The following LY86 variants were observed in gnomAD, a reference collection of about 807,000 sequenced individuals.
LY86 encodes the protein lymphocyte antigen 86.
A neutral mutation model predicts 17.3 loss-of-function variants in LY86; 20 were observed. The ratio of observed to expected loss-of-function variants is 1.15; its 90% CI spans 0.81 to 1.68. LY86 has a LOEUF of 1.68. LY86 is among the 40% of genes most tolerant of loss of function. LY86 has a pLI of 0.00. For missense variants in LY86, 200 were observed against 191.9 expected, an observed-to-expected ratio of 1.04 and a Z score of -0.25; for synonymous variants, 74 against 70.6, an observed-to-expected ratio of 1.05 and a Z score of -0.24.
intron 1 of LY86, among the ~76,000 whole-genome samples, chr6:6,609,115 C>T (rs1232479510): frequency 6.6e-6 from 1 of 152,160 alleles, no homozygotes; most frequent in Non-Finnish European, 1.5e-5. Context: ...CCTGTAAGAG[C>T]TTGTAATCTT....
intron 1 of LY86, among the ~76,000 whole-genome samples, chr6:6,597,722 T>G (rs1287223863): frequency 6.6e-6 from 1 of 152,194 alleles, no homozygotes; most frequent in East Asian, 1.9e-4. Flanking sequence ...TCACTGTGTG[T>G]CCCTCCTCCA....
Position 6,654,959 on chromosome 6 carries a change from A to G in LY86, c.*332A>G, listed in dbSNP as rs944453900. 3 of 259,912 alleles carry G rather than the reference A, an allele frequency of 1.2e-5. No homozygotes were observed. The highest frequency in any genetic ancestry group is 6.7e-5 in the African/African-American group (3 of 44,896). The allele number at this position is 259,912 out of a possible 1,614,324, so 16.1% of individuals were successfully genotyped here. A position where few individuals can be genotyped will look rare whatever the true frequency, so the allele number is the denominator to read the frequency against. On this transcript the variant is annotated 3_prime_UTR_variant, in exon 5 of 5. Transcript: ENST00000230568. The stretch of plus-strand genomic sequence containing the variant: ...TTAGGAGTGCTTCCTCACAGTTACC[A>G]AGAATAAAGAAAGCTGGCCACCATT...
chr6:6,600,587 C>CAA (rs59560744), intron 1 of LY86, among the ~76,000 whole-genome samples: 31 of 82,456 alleles, frequency 3.8e-4, no homozygotes, highest in East Asian at 7.6e-4. Context: ...GAGACTCCAT[C>CAA]AAAAAAAAAA....
intron 1 of LY86, among the ~76,000 whole-genome samples, chr6:6,599,949 A>G (rs2113086405): frequency 6.6e-6 from 1 of 151,504 alleles, no homozygotes; most frequent in Admixed American, 6.5e-5. Context: ...AACCAAGACC[A>G]GACCCTCTCC....
intron 4 of LY86, among the ~76,000 whole-genome samples, chr6:6,652,059 A>G (rs1356334118): frequency 3.2e-3 from 308 of 94,934 alleles, no homozygotes; most frequent in African/African-American, 0.014. Context: ...CCATCTCAAA[A>G]AAAAAAAAAA....
Position 6,626,381 on chromosome 6 carries a change from G to T in LY86, c.312G>T (p.Ala104=). The T allele has an allele frequency of 6.2e-7, 1 of 1,613,894 alleles. No homozygotes were observed. Among genetic ancestry groups the T allele is most frequent in the Non-Finnish European group, 8.5e-7 (1 of 1,179,980 alleles). Residue 104 remains alanine (A), a synonymous_variant, in exon 3 of 5, where the codon GCG becomes GCT. Transcript: ENST00000230568. ...ATTTCTCCTATCCCATCTGTGAGGCGGCTCTGCCCAAGTTTTCTTTCTGTG... is the reference window on the plus strand; with the variant it reads ...ATTTCTCCTATCCCATCTGTGAGGCTGCTCTGCCCAAGTTTTCTTTCTGTG... ...VLNFSYPICE[A]ALPKFSFCGR... is the part of the protein sequence containing the mutation.
At chr6:6,613,774 G>A (rs1761471344) in intron 1 of LY86, among the ~76,000 whole-genome samples, 1 of 152,242 alleles carries the variant, frequency 6.6e-6, no homozygotes, top group South Asian at 2.1e-4. Context: ...AAGAGCGAGC[G>A]AGGGCTGCCA....
In LY86 at chr6:6,642,571, G is replaced by A. The variant is rs76312752; in HGVS notation, c.353-7054G>A. On this transcript the variant is annotated intron_variant, in intron 3 of 4. Coordinates refer to ENST00000230568, the MANE Select transcript of LY86 (RefSeq NM_004271.4). ...CTGGGATCTAGCTACCGTGACATTC[G>A]CCCTGAAGGCAGTGGACATTCTTAT... Among the ~76,000 whole-genome samples the A allele has an allele frequency of 2.9e-3, 449 of 152,262 alleles. 4 individuals are homozygous for A. Among genetic ancestry groups the A allele is most frequent in the Non-Finnish European group, 5.0e-3 (341 of 68,022 alleles).
chr6:6,613,858 C>G (rs998871302), intron 1 of LY86, among the ~76,000 whole-genome samples: 2 of 152,228 alleles, frequency 1.3e-5, no homozygotes, highest in Admixed American at 6.5e-5. Context: ...TCAGTCACTC[C>G]TCGAACACTT....
intron 1 of LY86, among the ~76,000 whole-genome samples, chr6:6,592,854 A>G (rs1760575831): frequency 6.6e-6 from 1 of 152,192 alleles, no homozygotes; most frequent in Non-Finnish European, 1.5e-5. Flanking sequence ...TAAGCCCCCC[A>G]GTCTATATAA....
chr6:6,607,971 C>G (rs1021549062), intron 1 of LY86, among the ~76,000 whole-genome samples: 1 of 152,096 alleles, frequency 6.6e-6, no homozygotes, highest in African/African-American at 2.4e-5. Context: ...CCTGATCTTA[C>G]AAAACAAAAA....
rs568434846 is a variant in LY86, at chr6:6,638,580, G to A, written c.353-11045G>A. 9.3e-4 allele frequency among the ~76,000 whole-genome samples: 128 copies of A among 138,298 alleles called. 1 individual carries two copies. Among genetic ancestry groups the A allele is most frequent in the African/African-American group, 2.7e-3 (104 of 38,724 alleles). 90.7% of individuals were successfully genotyped at this position (138,298 alleles called of 152,430 possible). On this transcript the variant is annotated intron_variant, in intron 3 of 4. Coordinates refer to ENST00000230568, the MANE Select transcript of LY86 (RefSeq NM_004271.4). ...CCTGGTGACTACTGTATTTGATGGC[G>A]TAGACACAGAACATTCCCATTTTTG...
chr6:6,593,547 T>C (rs1261704617), intron 1 of LY86, among the ~76,000 whole-genome samples: 1 of 152,228 alleles, frequency 6.6e-6, no homozygotes, highest in Non-Finnish European at 1.5e-5. Flanking sequence ...AGAAGGACTA[T>C]ATGAAAGGTG....
chr6:6,619,410 A>AC (rs1226220775), intron 1 of LY86, among the ~76,000 whole-genome samples: 4 of 152,020 alleles, frequency 2.6e-5, no homozygotes, highest in Non-Finnish European at 4.4e-5. Flanking sequence ...ACCCTAACAC[A>AC]CCCCCCCATT....
rs112059081 is a variant in LY86, at chr6:6,627,739, A to G, written c.352+1318A>G. On this transcript the variant is annotated intron_variant, in intron 3 of 4. Coordinates refer to ENST00000230568, the MANE Select transcript of LY86 (RefSeq NM_004271.4). ...CTGTTCTAAGAGCTTTAGACCCAAT[A>G]AGTCATTTACTTCCCACACCAACCT... Among the ~76,000 whole-genome samples, 166 of 152,288 alleles carry G rather than the reference A, an allele frequency of 1.1e-3. 2 individuals carry two copies. The highest frequency in any genetic ancestry group is 3.9e-3 in the African/African-American group (162 of 41,548).
At chr6:6,595,287 G>A (rs1413530483) in intron 1 of LY86, among the ~76,000 whole-genome samples, 1 of 149,010 alleles carries the variant, frequency 6.7e-6, no homozygotes, top group African/African-American at 2.5e-5. Context: ...AGGAAGAGGT[G>A]GGGAAGAAGA....
chr6:6,613,117 GC>G (rs1327552498), intron 1 of LY86, among the ~76,000 whole-genome samples: 2 of 152,252 alleles, frequency 1.3e-5, no homozygotes, highest in African/African-American at 4.8e-5. Flanking sequence ...CAAACCCTGA[GC>G]TAGACACAGG....
At chr6:6,606,381 C>T (rs1192375352) in intron 1 of LY86, among the ~76,000 whole-genome samples, 1 of 152,186 alleles carries the variant, frequency 6.6e-6, no homozygotes, top group Admixed American at 6.5e-5. Context: ...CCAAGTCCCC[C>T]CCAGACTCAG....
rs1315265382 is a variant in LY86 at position 6,600,614 on chromosome 6, A to T, written c.136+11744A>T. On this transcript the variant is annotated intron_variant, in intron 1 of 4. Coordinates refer to ENST00000230568, the MANE Select transcript of LY86 (RefSeq NM_004271.4). ...AAAAAAAAAAAAAAAAAAAAAAAAA[A>T]AAAAAAAAAAAAAAGAAAATATAGC... Among the ~76,000 whole-genome samples, 94 of 106,622 alleles carry T rather than the reference A, an allele frequency of 8.8e-4. 1 individual carries two copies. Among genetic ancestry groups the T allele is most frequent in the African/African-American group, 2.5e-3 (80 of 31,810 alleles). The allele number at this position is 106,622 out of a possible 152,430, so 69.9% of individuals were successfully genotyped here.
Sources: allele counts gnomAD v4.1 joint callset (sites outside exome capture counted in the v4.1 genomes callset), GRCh38; gene constraint gnomAD v4.1.1; transcripts MANE v1.5; gene names NCBI Gene and HGNC (gene_info 2026-07-23, HGNC 2026-07-21).